SYT1: variants seen among roughly 807,000 people sequenced by gnomAD.
SYT1 encodes the protein synaptotagmin 1.
In SYT1, 8 loss-of-function variants were observed where a neutral mutation model predicts 44.8. That is an observed-to-expected ratio of 0.18 (90% CI 0.10 to 0.32). The LOEUF is 0.32. SYT1 is among the 10% of genes least tolerant of loss of function. The pLI, the probability that SYT1 is intolerant of heterozygous loss-of-function variation, is 1.00. For synonymous variants in SYT1, 154 were observed against 188.8 expected, an observed-to-expected ratio of 0.82 and a Z score of 1.51; for missense variants, 286 against 509.3, an observed-to-expected ratio of 0.56 and a Z score of 4.22.
rs570601037 is a variant in SYT1 at position 79,328,707 on chromosome 12, G to A, written c.811-24795G>A. 7.9e-5 allele frequency among the ~76,000 whole-genome samples: 12 copies of A among 152,112 alleles called. 1 individual carries two copies. The highest frequency in any genetic ancestry group is 2.6e-4 in the African/African-American group (11 of 41,520). On this transcript the variant is annotated intron_variant, in intron 8 of 10. Coordinates refer to ENST00000261205, the MANE Select transcript of SYT1 (RefSeq NM_005639.3). ...TAAAAATACAAAAAATTAGCCGGGC[G>A]TGGTGGCAGGCACCTGCAGTCCCAG... is the stretch of plus-strand genomic sequence containing the variant.
chr12:79,254,840 T>G (rs1416380493), intron 4 of SYT1, among the ~76,000 whole-genome samples: 1 of 152,170 alleles, frequency 6.6e-6, no homozygotes, highest in African/African-American at 2.4e-5. Context: ...AGAACTAGAA[T>G]TAGAAGTGGA....
At chr12:79,187,544 T>G (rs998145575) in intron 3 of SYT1, among the ~76,000 whole-genome samples, 1 of 152,108 alleles carries the variant, frequency 6.6e-6, no homozygotes, top group Non-Finnish European at 1.5e-5. Context: ...ATTGTAACAG[T>G]GAGAACCTTC....
At chr12:79,331,420 A>T (rs901568499) in intron 8 of SYT1, among the ~76,000 whole-genome samples, 1 of 152,176 alleles carries the variant, frequency 6.6e-6, no homozygotes, top group Non-Finnish European at 1.5e-5. Context: ...ACAATTGTGC[A>T]TATACTCTTT....
chr12:78,865,043 G>T lies in SYT1; in HGVS notation c.-283G>T, dbSNP rs1347957217. On this transcript the variant is annotated 5_prime_UTR_variant, in exon 1 of 11. Transcript: ENST00000261205. ...GGCAGCGAGAGTACGCGTGTGCCTC[G>T]CGCCGGTCCACGCGGGGAGAGCACT... is the stretch of plus-strand genomic sequence containing the variant. 12 of 152,346 alleles carry T rather than the reference G, an allele frequency of 7.9e-5. No homozygotes were observed. Among genetic ancestry groups the T allele is most frequent in the African/African-American group, 2.6e-4 (11 of 41,558 alleles). The allele number at this position is 152,346 out of a possible 1,614,324, so 9.4% of individuals were successfully genotyped here. A position where few individuals can be genotyped will look rare whatever the true frequency, so the allele number is the denominator to read the frequency against.
At chr12:78,870,436 G>A (rs1456584048) in intron 1 of SYT1, among the ~76,000 whole-genome samples, 8 of 152,178 alleles carry the variant, frequency 5.3e-5, no homozygotes, top group South Asian at 2.1e-4. Flanking sequence ...TATTATATAA[G>A]TAAAAGTAAT....
chr12:79,333,340 C>T (rs1271494476), intron 8 of SYT1, among the ~76,000 whole-genome samples: 1 of 152,138 alleles, frequency 6.6e-6, no homozygotes, highest in Non-Finnish European at 1.5e-5. Context: ...GGACTCTCAT[C>T]CCATTCAGGA....
intron 9 of SYT1, among the ~76,000 whole-genome samples, chr12:79,373,407 A>G (rs1345078471): frequency 6.6e-6 from 1 of 152,228 alleles, no homozygotes; most frequent in Non-Finnish European, 1.5e-5. Flanking sequence ...AGATAAAGCA[A>G]AAGTAAACAT....
chr12:78,999,237 T>C (rs532841342), intron 2 of SYT1, among the ~76,000 whole-genome samples: 2 of 152,322 alleles, frequency 1.3e-5, no homozygotes, highest in African/African-American at 4.8e-5. Flanking sequence ...TCCTAAGTGT[T>C]TTTGAAACTT....
chr12:79,286,020 A>G, intron 5 of SYT1, 49 bp downstream of exon 5: 1 of 1,547,964 alleles, frequency 6.5e-7, no homozygotes, highest in Non-Finnish European at 8.7e-7. Context: ...AAAAAGATAA[A>G]CAAATGTATT....
At chr12:78,881,667 A>G (rs1179401923) in intron 1 of SYT1, among the ~76,000 whole-genome samples, 1 of 151,692 alleles carries the variant, frequency 6.6e-6, no homozygotes, top group Non-Finnish European at 1.5e-5. Flanking sequence ...AGTAAGCTTC[A>G]TGCAGTCTAG....
At chr12:78,953,901 TA>T (rs1328482069) in intron 1 of SYT1, among the ~76,000 whole-genome samples, 5 of 152,012 alleles carry the variant, frequency 3.3e-5, no homozygotes, top group Non-Finnish European at 2.9e-5. Flanking sequence ...ACTATCCAAA[TA>T]TTTTTTTTAA....
chr12:78,923,552 A>AT (rs201958509), intron 1 of SYT1, among the ~76,000 whole-genome samples: 2 of 144,890 alleles, frequency 1.4e-5, no homozygotes, highest in Admixed American at 1.5e-4. Flanking sequence ...TTATAGAACT[A>AT]TTTAAAAAAA....
rs931609210 is a variant in SYT1 at position 79,148,229 on chromosome 12, C to A, written c.-17-69274C>A. On this transcript the variant is annotated intron_variant, in intron 3 of 10. Coordinates refer to ENST00000261205, the MANE Select transcript of SYT1 (RefSeq NM_005639.3). ...ACAGCCTTTGATCCATTCCGAAGAA[C>A]TTTTTTTTGAAGCATCATTATGAGT... Among the ~76,000 whole-genome samples, 6 of 151,884 alleles carry A rather than the reference C, an allele frequency of 4.0e-5. No individual in the cohort carries two copies. The East Asian group carries it at 9.6e-4, about 24-fold the overall frequency.
chr12:79,407,320 C>G (rs1174381164), intron 9 of SYT1, among the ~76,000 whole-genome samples: 4 of 152,076 alleles, frequency 2.6e-5, no homozygotes, highest in Admixed American at 2.6e-4. Context: ...TAAGAGTAGT[C>G]TCTTCCAGTT....
At chr12:79,306,683 G>T (rs1035097183) in intron 8 of SYT1, among the ~76,000 whole-genome samples, 2 of 152,124 alleles carry the variant, frequency 1.3e-5, no homozygotes, top group South Asian at 4.1e-4. Flanking sequence ...TAAGTATTAG[G>T]TTTTCTTTTT....
At chr12:79,128,197 C>G (rs747048883) in intron 3 of SYT1, among the ~76,000 whole-genome samples, 43 of 152,148 alleles carry the variant, frequency 2.8e-4, no homozygotes, top group Non-Finnish European at 3.2e-4. Context: ...AGTTCAAGAC[C>G]AGCCTGGGCA....
intron 3 of SYT1, among the ~76,000 whole-genome samples, chr12:79,192,476 C>T (rs1004123828): frequency 6.6e-6 from 1 of 152,096 alleles, no homozygotes; most frequent in African/African-American, 2.4e-5. Flanking sequence ...CTCAGATGCT[C>T]ATTACTCGGG....
chr12:78,941,315 G>A lies in SYT1; in HGVS notation c.-216-36484G>A, dbSNP rs377537138. 1.9e-4 allele frequency among the ~76,000 whole-genome samples: 29 copies of A among 150,004 alleles called. 2 individuals are homozygous for A. The highest frequency in any genetic ancestry group is 1.5e-3 in the South Asian group (7 of 4,708). On this transcript the variant is annotated intron_variant, in intron 1 of 10. Transcript: ENST00000261205. ...TCTCGATCTCCTGACCTCGTGATCC[G>A]CCTGCCTCAGCCTCCCAAAGTGCTG...
chr12:79,138,922 T>A (rs1406033853), intron 3 of SYT1, among the ~76,000 whole-genome samples: 2 of 152,124 alleles, frequency 1.3e-5, no homozygotes, highest in Non-Finnish European at 2.9e-5. Context: ...GAAATAAAAA[T>A]TTAGGCAGTA....
Sources: allele counts gnomAD v4.1 joint callset (sites outside exome capture counted in the v4.1 genomes callset), GRCh38; gene constraint gnomAD v4.1.1; transcripts MANE v1.5; gene names NCBI Gene and HGNC (gene_info 2026-07-23, HGNC 2026-07-21).